NALF1: variants seen among roughly 807,000 people sequenced by gnomAD.
NALF1 encodes the protein family with sequence similarity 155 member A.
NALF1 carries 3 observed loss-of-function variants against 48.4 expected under a neutral mutation model. That is an observed-to-expected ratio of 0.06 (90% CI 0.03 to 0.16). NALF1 has a LOEUF of 0.16. Among genes scored for constraint, NALF1 ranks in the 10% least tolerant of loss-of-function variants. The probability of loss-of-function intolerance (pLI) is 1.00; values close to 1 mark genes in which losing one functional copy is unlikely to be tolerated. For synonymous variants in NALF1, 262 were observed against 245.7 expected, an observed-to-expected ratio of 1.07 and a Z score of -0.62; for missense variants, 526 against 571.5, an observed-to-expected ratio of 0.92 and a Z score of 0.81.
intron 1 of NALF1, among the ~76,000 whole-genome samples, chr13:107,742,059 A>C (rs1876653054): frequency 2.6e-5 from 4 of 152,178 alleles, no homozygotes; most frequent in African/African-American, 7.2e-5. Context: ...TCTTTAAGTA[A>C]TGGTGCACCA....
chr13:107,500,501 TG>T (rs1875485887), intron 1 of NALF1, among the ~76,000 whole-genome samples: 1 of 151,248 alleles, frequency 6.6e-6, no homozygotes, highest in African/African-American at 2.4e-5. Flanking sequence ...TTTACACTGT[TG>T]GTGGGACTGT....
intron 1 of NALF1, among the ~76,000 whole-genome samples, chr13:107,214,225 G>A (rs1450374200): frequency 1.3e-5 from 2 of 152,184 alleles, no homozygotes; most frequent in East Asian, 1.9e-4. Context: ...GGGTTGAAAA[G>A]GATGTTTTGT....
intron 1 of NALF1, among the ~76,000 whole-genome samples, chr13:107,746,457 T>G (rs972044331): frequency 2.0e-5 from 3 of 152,196 alleles, no homozygotes; most frequent in African/African-American, 7.2e-5. Flanking sequence ...TGGAAAACAT[T>G]CCATTGCCAA....
intron 1 of NALF1, among the ~76,000 whole-genome samples, chr13:107,758,818 T>C (rs1268972070): frequency 6.6e-6 from 1 of 152,204 alleles, no homozygotes; most frequent in Non-Finnish European, 1.5e-5. Context: ...TTATGCACAA[T>C]GGATAAAATG....
intron 1 of NALF1, among the ~76,000 whole-genome samples, chr13:107,524,486 G>A (rs1000532179): frequency 7.9e-5 from 12 of 151,964 alleles, no homozygotes; most frequent in African/African-American, 1.7e-4. Flanking sequence ...GGTACGAAAC[G>A]GATCCACAGA....
intron 1 of NALF1, among the ~76,000 whole-genome samples, chr13:107,818,738 A>T (rs9587440): frequency 1.4e-5 from 2 of 140,272 alleles, no homozygotes; most frequent in African/African-American, 3.0e-5. Context: ...CGGGCGTGGT[A>T]GCGGGCGCCT....
intron 1 of NALF1, among the ~76,000 whole-genome samples, chr13:107,789,281 CCA>C (rs748149881): frequency 3.9e-5 from 6 of 152,152 alleles, no homozygotes; most frequent in Admixed American, 6.5e-5. Context: ...GATCTCTACT[CCA>C]CAGTTTAATT....
chr13:107,345,001 G>A (rs1261830800), intron 1 of NALF1, among the ~76,000 whole-genome samples: 1 of 151,988 alleles, frequency 6.6e-6, no homozygotes, highest in Non-Finnish European at 1.5e-5. Flanking sequence ...AATACCAAAT[G>A]AACTCTCAGA....
intron 1 of NALF1, among the ~76,000 whole-genome samples, chr13:107,813,736 GAAGA>G (rs1010359039): frequency 6.6e-6 from 1 of 151,802 alleles, no homozygotes; most frequent in Non-Finnish European, 1.5e-5. Context: ...ACAAGAAGAA[GAAGA>G]AAGTATTAAA....
intron 2 of NALF1, among the ~76,000 whole-genome samples, chr13:107,173,070 CA>C (rs1335232261): frequency 1.3e-5 from 2 of 151,860 alleles, no homozygotes; most frequent in East Asian, 1.9e-4. Flanking sequence ...TACAAAATAA[CA>C]AAAAAAATCC....
chr13:107,272,963 T>C (rs1381419290), intron 1 of NALF1, among the ~76,000 whole-genome samples: 1 of 152,244 alleles, frequency 6.6e-6, no homozygotes. Flanking sequence ...GGCATTAGCA[T>C]GCCTTTGATG....
intron 1 of NALF1, chr13:107,531,328 G>A (rs1876632007): frequency 6.2e-6 from 1 of 160,864 alleles, no homozygotes; most frequent in Non-Finnish European, 1.5e-5. Flanking sequence ...TCTTCTGAGT[G>A]TATGGCACCT....
chr13:107,566,309 A>G (rs968914140), intron 1 of NALF1, among the ~76,000 whole-genome samples: 3 of 152,214 alleles, frequency 2.0e-5, no homozygotes, highest in African/African-American at 7.2e-5. Flanking sequence ...AGATTTGTGC[A>G]ATAACTAATA....
intron 1 of NALF1, among the ~76,000 whole-genome samples, chr13:107,211,376 T>C (rs748532992): frequency 3.9e-5 from 6 of 152,218 alleles, no homozygotes; most frequent in Non-Finnish European, 7.3e-5. Context: ...CATCATATGC[T>C]GTGGTGTGGT....
At chr13:107,388,972 C>T (rs966181343) in intron 1 of NALF1, among the ~76,000 whole-genome samples, 2 of 152,152 alleles carry the variant, frequency 1.3e-5, no homozygotes, top group Admixed American at 1.3e-4. Context: ...ATGTCACTTC[C>T]CATGATAGAA....
chr13:107,476,622 T>C (rs1285373141), intron 1 of NALF1, among the ~76,000 whole-genome samples: 1 of 151,996 alleles, frequency 6.6e-6, no homozygotes, highest in Non-Finnish European at 1.5e-5. Context: ...CTCAGAGGAG[T>C]GAATAAAGTT....
At chr13:107,448,344 G>A (rs1208298113) in intron 1 of NALF1, among the ~76,000 whole-genome samples, 1 of 147,674 alleles carries the variant, frequency 6.8e-6, no homozygotes, top group East Asian at 2.0e-4. Context: ...ATGGCCATCT[G>A]TTTCCAATAC....
intron 1 of NALF1, among the ~76,000 whole-genome samples, chr13:107,414,144 AT>A (rs1297518952): frequency 2.0e-5 from 3 of 152,150 alleles, no homozygotes; most frequent in Non-Finnish European, 4.4e-5. Flanking sequence ...ATTAAAAATA[AT>A]TTATTATTAT....
chr13:107,464,615 A>G (rs914905674), intron 1 of NALF1, among the ~76,000 whole-genome samples: 22 of 151,936 alleles, frequency 1.4e-4, no homozygotes, highest in Non-Finnish European at 2.9e-4. Flanking sequence ...CTGCCTCCTC[A>G]GTTCAAGCAA....
Sources: allele counts gnomAD v4.1 joint callset (sites outside exome capture counted in the v4.1 genomes callset), GRCh38; gene constraint gnomAD v4.1.1; transcripts MANE v1.5; gene names NCBI Gene and HGNC (gene_info 2026-07-23, HGNC 2026-07-21).